IGFN1: variants seen among roughly 807,000 people sequenced by gnomAD.
The protein encoded by IGFN1 is immunoglobulin like and fibronectin type III domain containing 1.
IGFN1 carries 253 observed loss-of-function variants against 289.5 expected under a neutral mutation model. That is an observed-to-expected ratio of 0.87 (90% confidence interval 0.79 to 0.97). The LOEUF (loss-of-function observed/expected upper bound fraction) is 0.97. Among genes scored for constraint, IGFN1 ranks in the 50% least tolerant of loss-of-function variants. IGFN1 has a pLI of 0.00. For missense variants in IGFN1, 4,470 were observed against 4,686.1 expected (o/e 0.95, Z 1.35); for synonymous variants, 1,706 against 1,788.5 (o/e 0.95, Z 1.16).
chr1:201,204,621 G>A (rs999756058), intron 10 of IGFN1, among the ~76,000 whole-genome samples: 1 of 152,208 alleles, frequency 6.6e-6, no homozygotes, highest in African/African-American at 2.4e-5. Context: ...AAAGAAGTAT[G>A]GGTTTGGGAG....
intron 18 of IGFN1, among the ~76,000 whole-genome samples, chr1:201,219,724 G>A (rs1018771367): frequency 6.6e-6 from 1 of 152,196 alleles, no homozygotes; most frequent in Non-Finnish European, 1.5e-5. Context: ...GCCCACTGCA[G>A]GTGTTCAGGC....
rs1293186678 is a variant in IGFN1 at position 201,213,365 on chromosome 1, G to T, written c.8472G>T (p.Gly2824=). Residue 2824 remains glycine, a synonymous_variant, in exon 12 of 24, where the codon GGG becomes GGT. Transcript: ENST00000335211. ...SLRSRSQAQS[G]AEVGGGKRRG... is the part of the protein sequence containing the mutation. ...GGAGCAGGTCTCAGGCACAGTCAGGGGCTGAGGTTGGAGGAGGAAAGAGAA... is the reference window on the plus strand; with the variant it reads ...GGAGCAGGTCTCAGGCACAGTCAGGTGCTGAGGTTGGAGGAGGAAAGAGAA... 1.2e-6 allele frequency: 2 copies of T among 1,612,130 alleles called. No homozygotes were observed. The highest frequency in any genetic ancestry group is 1.7e-6 in the Non-Finnish European group (2 of 1,179,074).
rs773055689 is a variant in IGFN1 at position 201,212,483 on chromosome 1, C to G, written c.7590C>G (p.Gly2530=). The G allele has an allele frequency of 5.8e-6, 9 of 1,540,500 alleles. No individual in the cohort carries two copies. Among genetic ancestry groups the G allele is most frequent in the African/African-American group, 1.4e-5 (1 of 72,974 alleles). Residue 2530 remains glycine, a synonymous_variant, in exon 12 of 24, where the codon GGC becomes GGG. Transcript: ENST00000335211. ...TGGGGGCTTCTGGGTTTCTTGATGG[C>G]AAGGGGGCAGTGGAAGGTGAGACCT... The part of the protein sequence containing the change: ...GIMGASGFLD[G]KGAVEGETWA...
At chr1:201,204,988 C>A in intron 10 of IGFN1, 94 bp from the exon 11 acceptor site, 3 of 1,329,588 alleles carry the variant, frequency 2.3e-6, no homozygotes, top group South Asian at 1.5e-5. Context: ...CTGAGCTGGT[C>A]TAAGCCAGGA....
In IGFN1 at chr1:201,200,276, G is replaced by C; in HGVS notation, c.498G>C (p.Gln166His). Reference sequence around the variant, plus strand: ...CCAAGAAAAAGATGGACCTTGAGCAGATATGGCAGCTGCTGATGACAGCAG... The same window carrying C: ...CCAAGAAAAAGATGGACCTTGAGCACATATGGCAGCTGCTGATGACAGCAG... ...PAPKKKMDLE[Q>H]IWQLLMTADR... The change falls in exon 8 of 24, where the codon CAG (glutamine) becomes CAC (histidine). Residue 166 changes from glutamine to histidine, a missense_variant. Physicochemically the swap from Gln to His is conservative, Grantham distance 24. This residue lies in a region of IGFN1 where 2,011 missense variants were observed against 1,953.4 expected (regional missense o/e 1.03). Coordinates refer to ENST00000335211, the MANE Select transcript of IGFN1 (RefSeq NM_001164586.2). 6.4e-7 allele frequency: 1 copy of C among 1,551,754 alleles called. No homozygotes were observed. Among genetic ancestry groups the C allele is most frequent in the African/African-American group, 1.4e-5 (1 of 73,182 alleles).
intron 22 of IGFN1, 63 bp from the exon 23 acceptor site, chr1:201,226,819 C>G: frequency 7.8e-7 from 1 of 1,284,670 alleles, no homozygotes; most frequent in Non-Finnish European, 1.1e-6. Context: ...TACCCAGACC[C>G]GGGTCTCAGC....
At chr1:201,220,178 T>A (rs1653635366) in intron 18 of IGFN1, among the ~76,000 whole-genome samples, 1 of 36,578 alleles carries the variant, frequency 2.7e-5, no homozygotes, top group Non-Finnish European at 5.0e-5. Flanking sequence ...TTCTATCCCT[T>A]TCTTTCTCTC....
Position 201,211,351 on chromosome 1 carries a change from G to T in IGFN1, c.6458G>T (p.Gly2153Val), listed in dbSNP as rs1667777590. Residue 2153 changes from glycine (G) to valine (V), a missense_variant, in exon 12 of 24, where the codon GGT becomes GTT. Physicochemically the swap from Gly to Val is moderately radical, Grantham distance 109. This residue lies in a region of IGFN1 where 2,218 missense variants were observed against 2,114.1 expected (regional missense o/e 1.05). Coordinates refer to ENST00000335211, the MANE Select transcript of IGFN1 (RefSeq NM_001164586.2). ...GATTTGGGGGCTCCTAAGGGAATGG[G>T]TTCAGAGAGTAAGGCAGGTTTTAGG... ...RKDLGAPKGM[G>V]SESKAGFRDG... 6.7e-7 allele frequency: 1 copy of T among 1,492,264 alleles called. No homozygotes were observed. The highest frequency in any genetic ancestry group is 8.9e-7 in the Non-Finnish European group (1 of 1,118,540). The allele number at this position is 1,492,264 out of a possible 1,614,324, so 92.4% of individuals were successfully genotyped here. A position where few individuals can be genotyped will look rare whatever the true frequency, so the allele number is the denominator to read the frequency against.
Position 201,227,152 on chromosome 1 carries a change from C to T in IGFN1, c.11057C>T (p.Ala3686Val). 1 of 1,612,840 alleles carries T rather than the reference C, an allele frequency of 6.2e-7. No homozygotes were observed. Among genetic ancestry groups the T allele is most frequent in the Non-Finnish European group, 8.5e-7 (1 of 1,179,758 alleles). The stretch of plus-strand genomic sequence containing the variant: ...CCGAAGGACAGCGGGGAGTACAAGG[C>T]TGTGGCTGAGAACACGCTGGGCCAG... ...VSPKDSGEYK[A>V]VAENTLGQAV... The change falls in exon 23 of 24, where the codon GCT (alanine) becomes GTT (valine). Residue 3686 changes from alanine (A) to valine (V), a missense_variant. Around this residue, in one of 8 missense-constraint regions of IGFN1, gnomAD observed 2,218 missense variants for 2,114.1 expected, o/e 1.05. Transcript: ENST00000335211.
At chr1:201,200,485 A>C in intron 8 of IGFN1, 74 bp downstream of exon 8, 1 of 1,271,586 alleles carries the variant, frequency 7.9e-7, no homozygotes, top group Non-Finnish European at 1.1e-6. Flanking sequence ...TCACACCTGG[A>C]GGTGGGCTTG....
Position 201,197,272 on chromosome 1 carries a change from G to C in IGFN1, c.322G>C (p.Ala108Pro), listed in dbSNP as rs1666959847. ...TDLYRCTAVN[A>P]YGEAACSVRL... ...TCTGTACCGCTGCACAGCAGTAAATGCGTACGGAGAGGCCGCTTGCTCAGT... is the reference window on the plus strand; with the variant it reads ...TCTGTACCGCTGCACAGCAGTAAATCCGTACGGAGAGGCCGCTTGCTCAGT... Residue 108 changes from alanine (A) to proline (P), a missense_variant, in exon 5 of 24, where the codon GCG becomes CCG. Around this residue, in one of 8 missense-constraint regions of IGFN1, gnomAD observed 2,011 missense variants for 1,953.4 expected, o/e 1.03. Transcript: ENST00000335211. The C allele has an allele frequency of 6.4e-7, 1 of 1,551,508 alleles. No homozygotes were observed. Among genetic ancestry groups the C allele is most frequent in the African/African-American group, 1.4e-5 (1 of 73,062 alleles).
At position 201,211,276 on chromosome 1, in the gene IGFN1, T is replaced by C. The variant is rs1667770658; in HGVS notation, c.6383T>C (p.Leu2128Ser). The change falls in exon 12 of 24, where the codon TTA (leucine) becomes TCA (serine). Residue 2128 changes from leucine (L) to serine (S), a missense_variant. Coordinates refer to ENST00000335211, the MANE Select transcript of IGFN1 (RefSeq NM_001164586.2). ...AGTAAGGCAGGTTTTAGGGATGGTT[T>C]AGGGAGTTCTACAGAAATGGGGTCA... ...SGSKAGFRDGLGSSTEMGSVN... is the reference protein window; with the variant it reads ...SGSKAGFRDGSGSSTEMGSVN... 2 of 1,529,602 alleles carry C rather than the reference T, an allele frequency of 1.3e-6. No homozygotes were observed. Among genetic ancestry groups the C allele is most frequent in the Non-Finnish European group, 1.7e-6 (2 of 1,143,406 alleles). The allele number at this position is 1,529,602 out of a possible 1,614,324, so 94.8% of individuals were successfully genotyped here. A position where few individuals can be genotyped will look rare whatever the true frequency, so the allele number is the denominator to read the frequency against.
intron 3 of IGFN1, 94 bp downstream of exon 3, chr1:201,194,367 C>CAGGA: frequency 7.1e-7 from 1 of 1,403,480 alleles, no homozygotes; most frequent in Non-Finnish European, 9.7e-7. Flanking sequence ...CCTGGGGACC[C>CAGGA]AGGCCCTATA....
intron 8 of IGFN1, among the ~76,000 whole-genome samples, chr1:201,200,619 A>G (rs1667109304): frequency 6.6e-6 from 1 of 152,048 alleles, no homozygotes; most frequent in South Asian, 2.1e-4. Flanking sequence ...TGGTTCTGAT[A>G]CTTACTAAAC....
At chr1:201,216,844 A>C (rs1571482771) in intron 16 of IGFN1, 91 bp downstream of exon 16, 5 of 1,102,640 alleles carry the variant, frequency 4.5e-6, no homozygotes. Flanking sequence ...GCTGAGTGAC[A>C]CCAGCCTGTG....
In IGFN1 at chr1:201,207,241, G is replaced by T; in HGVS notation, c.2348G>T (p.Gly783Val). 1.3e-6 allele frequency: 2 copies of T among 1,536,822 alleles called. No homozygotes were observed. The highest frequency in any genetic ancestry group is 1.7e-6 in the Non-Finnish European group (2 of 1,146,882). Residue 783 changes from glycine (G) to valine (V), a missense_variant, in exon 12 of 24, where the codon GGC (glycine) becomes GTC (valine). Gly to Val is a moderately radical substitution (Grantham distance 109, BLOSUM62 -3). This residue lies in a region of IGFN1 where 2,011 missense variants were observed against 1,953.4 expected (regional missense o/e 1.03). Transcript: ENST00000335211. ...CCTGGAGGCCCAGGAGACCCCAGAG[G>T]CTGCGAAGGTGTCCTACAGGAGCTC... ...TGPGGPGDPR[G>V]CEGVLQELRG...
chr1:201,217,580 T>C (rs1653405291), intron 17 of IGFN1, 120 bp downstream of exon 17: 1 of 986,032 alleles, frequency 1.0e-6, no homozygotes, highest in Non-Finnish European at 1.5e-6. Context: ...TTTGGCAACG[T>C]CTGGAGATAT....
chr1:201,222,915 T>C, intron 20 of IGFN1, 88 bp downstream of exon 20: 1 of 840,716 alleles, frequency 1.2e-6, no homozygotes, highest in Non-Finnish European at 1.9e-6. Context: ...TTCTTCCCTG[T>C]TCCTTTTTGG....
chr1:201,191,804 C>T (rs1219288751), intron 1 of IGFN1, among the ~76,000 whole-genome samples: 3 of 152,132 alleles, frequency 2.0e-5, no homozygotes, highest in Non-Finnish European at 2.9e-5. Context: ...GTGGTATCAG[C>T]GTCATCCTTC....
Sources: gnomAD v4.1 joint callset for allele counts (sites outside exome capture counted in the v4.1 genomes callset) on GRCh38, gnomAD v4.1.1 for gene constraint, gnomAD v4.1.1 regional missense constraint, MANE v1.5 for transcripts, NCBI Gene and HGNC (gene_info 2026-07-23, HGNC 2026-07-21) for gene names.